GPHN: variants seen among roughly 807,000 people sequenced by gnomAD.
The protein encoded by GPHN is gephyrin.
Under a neutral mutation model 95.5 loss-of-function variants are expected in GPHN, and 17 were observed. That is an observed-to-expected ratio of 0.18 (90% confidence interval 0.12 to 0.27). The LOEUF is 0.27. Among genes scored for constraint, GPHN ranks in the 10% least tolerant of loss-of-function variants. The pLI is 1.00. For synonymous variants in GPHN, 320 were observed against 322.5 expected (o/e 0.99, Z 0.08); for missense variants, 660 against 978.1 (o/e 0.67, Z 4.34).
At chr14:67,708,435 T>C in the GPHN span, among the ~76,000 whole-genome samples, 4 of 152,276 alleles carry the variant, frequency 2.6e-5, no homozygotes, top group African/African-American at 9.6e-5. Context: ...GTTAGAGTTC[T>C]ATAGCTGATT....
chr14:67,701,751 A>T, the GPHN span: 2 of 152,002 alleles, frequency 1.3e-5, no homozygotes, highest in East Asian at 1.9e-4. Context: ...TATTTATGAC[A>T]TGTTTGAACT....
At position 66,812,352 on chromosome 14, in the gene GPHN, A is replaced by G. The variant is rs542087131; in HGVS notation, c.202-12122A>G. 1.3e-4 allele frequency among the ~76,000 whole-genome samples: 20 copies of G among 152,360 alleles called. No individual in the cohort carries two copies. The South Asian group carries it at 2.9e-3, about 22-fold the overall frequency. On this transcript the variant is annotated intron_variant, in intron 3 of 22. Coordinates refer to ENST00000478722, the MANE Select transcript of GPHN (RefSeq NM_020806.5). ...AATATTATAACAAAATCCAGTGTCT[A>G]TTCAACATATCACTCAGTGTCCAGC...
the GPHN span, among the ~76,000 whole-genome samples, chr14:67,668,647 T>G: frequency 7.4e-6 from 1 of 135,670 alleles, no homozygotes; most frequent in South Asian, 2.3e-4. Context: ...GTTCTGGTAC[T>G]TAGGAAACAC....
At position 67,122,272 on chromosome 14, in the gene GPHN, A is replaced by T; in HGVS notation, c.1643A>T (p.Asp548Val). Residue 548 changes from aspartate to valine, a missense_variant, in exon 17 of 23, where the codon GAT becomes GTT. This residue lies in a region of GPHN where 257 missense variants were observed against 376.2 expected (regional missense o/e 0.68). Coordinates refer to ENST00000478722, the MANE Select transcript of GPHN (RefSeq NM_020806.5). Reference sequence around the variant, plus strand: ...GCTTTGTAGCTGCTAAATCCTGAAGATGACCTCTTACCAGGGAAGATTCGA... The same window carrying T: ...GCTTTGTAGCTGCTAAATCCTGAAGTTGACCTCTTACCAGGGAAGATTCGA... ...STGNELLNPE[D>V]DLLPGKIRDS... 1 of 1,613,636 alleles carries T rather than the reference A, an allele frequency of 6.2e-7. No homozygotes were observed. The highest frequency in any genetic ancestry group is 1.1e-5 in the South Asian group (1 of 91,062).
chr14:67,056,901 C>T (rs1054961789), intron 10 of GPHN, among the ~76,000 whole-genome samples: 8 of 152,176 alleles, frequency 5.3e-5, no homozygotes, highest in Admixed American at 1.3e-4. Context: ...TTCGAGCGGG[C>T]GCTCGCGGGT....
intron 2 of GPHN, among the ~76,000 whole-genome samples, chr14:66,682,932 T>C (rs1229667794): frequency 1.3e-5 from 2 of 152,262 alleles, no homozygotes; most frequent in East Asian, 3.9e-4. Flanking sequence ...TTGGAAAAAC[T>C]TGTTGCTTCT....
chr14:66,947,336 A>G (rs1256255198), intron 8 of GPHN, among the ~76,000 whole-genome samples: 3 of 152,208 alleles, frequency 2.0e-5, no homozygotes, highest in Admixed American at 1.3e-4. Flanking sequence ...TTATGCCTGC[A>G]GTTATTCTCT....
chr14:67,689,461 G>A, the GPHN span, among the ~76,000 whole-genome samples: 1 of 152,172 alleles, frequency 6.6e-6, no homozygotes, highest in African/African-American at 2.4e-5. Context: ...CTTTGCAAGG[G>A]AGACCCTGCC....
rs569058760 is a variant in GPHN, at chr14:67,150,258, C to T, written c.1836+6809C>T. Among the ~76,000 whole-genome samples the T allele has an allele frequency of 3.3e-3, 494 of 151,204 alleles. 3 individuals carry two copies. Among genetic ancestry groups the T allele is most frequent in the Non-Finnish European group, 6.1e-3 (416 of 67,810 alleles). ...GAGATCGAGACCATCCCGGCTAAAA[C>T]GGTGAAACCCCGTCTCTACTAAAAC... On this transcript the variant is annotated intron_variant, in intron 18 of 22. Transcript: ENST00000478722.
At chr14:67,615,782 G>C in the GPHN span, 1 of 526,222 alleles carries the variant, frequency 1.9e-6, no homozygotes, top group South Asian at 2.1e-5. Flanking sequence ...GTCTCCTTCA[G>C]CCTTTTTCTT....
At chr14:67,355,449 CAAAAAAAAAAAAAAAAAA>C in the GPHN span, among the ~76,000 whole-genome samples, 11 of 18,944 alleles carry the variant, frequency 5.8e-4, no homozygotes, top group Non-Finnish European at 1.2e-3. Flanking sequence ...GACCCTGTCT[CAAAAAAAAAAAAAAAAAA>C]AAAAAAAAAA....
At chr14:67,202,782 A>G in the GPHN span, among the ~76,000 whole-genome samples, 1 of 152,180 alleles carries the variant, frequency 6.6e-6, no homozygotes, top group South Asian at 2.1e-4. Flanking sequence ...CCCCACTCTA[A>G]GCTAAGTCAA....
the GPHN span, among the ~76,000 whole-genome samples, chr14:67,725,472 G>A: frequency 2.0e-5 from 3 of 152,326 alleles, no homozygotes; most frequent in South Asian, 2.1e-4. Flanking sequence ...TGGGAATGTC[G>A]GAGGTGTTAG....
intron 8 of GPHN, among the ~76,000 whole-genome samples, chr14:66,958,243 C>G (rs1039830219): frequency 1.6e-4 from 24 of 151,412 alleles, no homozygotes; most frequent in Middle Eastern, 6.8e-3. Flanking sequence ...TCTTTTTTGT[C>G]TCTTATAACA....
chr14:67,088,868 G>T, intron 11 of GPHN, 115 bp from the exon 12 acceptor site: 1 of 713,536 alleles, frequency 1.4e-6, no homozygotes, highest in Non-Finnish European at 2.6e-6. Flanking sequence ...CAGGAGTTCT[G>T]ACTGAGCCCA....
the GPHN span, among the ~76,000 whole-genome samples, chr14:67,610,614 G>A: frequency 1.3e-5 from 2 of 152,120 alleles, no homozygotes; most frequent in African/African-American, 4.8e-5. Flanking sequence ...ATGAAACCTA[G>A]AGACCTGGTC....
At chr14:66,845,407 A>G (rs939346423) in intron 4 of GPHN, among the ~76,000 whole-genome samples, 6 of 152,208 alleles carry the variant, frequency 3.9e-5, no homozygotes, top group African/African-American at 1.4e-4. Flanking sequence ...AATTTAGAAG[A>G]CTATTCTATG....
At chr14:66,893,287 C>T (rs1423661827) in intron 5 of GPHN, among the ~76,000 whole-genome samples, 3 of 152,060 alleles carry the variant, frequency 2.0e-5, no homozygotes, top group South Asian at 2.1e-4. Context: ...ACTGAGGTAC[C>T]GGGTTCATCT....
chr14:67,596,332 G>A, the GPHN span, among the ~76,000 whole-genome samples: 1 of 112,858 alleles, frequency 8.9e-6, no homozygotes, highest in Non-Finnish European at 1.8e-5. Flanking sequence ...GTAGAGATGG[G>A]GTTTCACTAT....
Sources: gnomAD v4.1 joint callset for allele counts (sites outside exome capture counted in the v4.1 genomes callset) on GRCh38, gnomAD v4.1.1 for gene constraint, gnomAD v4.1.1 regional missense constraint, MANE v1.5 for transcripts, NCBI Gene and HGNC (gene_info 2026-07-23, HGNC 2026-07-21) for gene names.